Variants in ASB11 observed in about 807,000 individuals in gnomAD.
The protein encoded by ASB11 is ankyrin repeat and SOCS box containing 11, also known as ankyrin repeat and SOCS box protein 11.
ASB11 carries 17 observed loss-of-function variants against 20.1 expected under a neutral mutation model. That is an observed-to-expected ratio of 0.85 (90% CI 0.58 to 1.27). The LOEUF is 1.27. Ranked by LOEUF, ASB11 falls within the 50% of genes most tolerant of loss-of-function variation. The pLI, the probability that ASB11 is intolerant of heterozygous loss-of-function variation, is 0.00. For missense variants in ASB11, 259 were observed against 256.9 expected (o/e 1.01, Z -0.06); for synonymous variants, 107 against 105.6 (o/e 1.01, Z -0.08).
intron 2 of ASB11, among the ~76,000 whole-genome samples, chrX:15,299,768 G>A (rs1477447114): frequency 9.0e-6 from 1 of 111,098 alleles, no homozygotes. Flanking sequence ...AAAGGAATTA[G>A]GTCCCTGGTC....
chrX:15,308,587 G>A (rs1921318507), intron 1 of ASB11, among the ~76,000 whole-genome samples: 2 of 111,563 alleles, frequency 1.8e-5, no homozygotes, highest in South Asian at 7.6e-4. Context: ...TCCAGTGAAG[G>A]GGGGAAAAGC....
chrX:15,305,597 T>TAGA (rs756352756), intron 1 of ASB11, among the ~76,000 whole-genome samples: 3 of 98,515 alleles, frequency 3.0e-5, no homozygotes, highest in Admixed American at 1.1e-4. Flanking sequence ...AAAAAAAAGA[T>TAGA]TAGATAGATA....
intron 3 of ASB11, among the ~76,000 whole-genome samples, chrX:15,296,164 G>A (rs1260497948): frequency 9.0e-6 from 1 of 110,940 alleles, no homozygotes; most frequent in Non-Finnish European, 1.9e-5. Flanking sequence ...CAGGGGAATC[G>A]TTCGAATCTA....
Position 15,283,460 on chromosome X carries a change from C to A in ASB11, c.*45G>T. 8.3e-7 allele frequency: 1 copy of A among 1,202,699 alleles called. No individual in the cohort carries two copies. The highest frequency in any genetic ancestry group is 1.1e-6 in the Non-Finnish European group (1 of 887,916). ...CATTAGGTACTCTAGGTACAGCAGACAACAATCTGTGTCATTCCAAGTATC... is the reference window on the plus strand; with the variant it reads ...CATTAGGTACTCTAGGTACAGCAGAAAACAATCTGTGTCATTCCAAGTATC... On this transcript the variant is annotated 3_prime_UTR_variant, in exon 7 of 7. Coordinates refer to ENST00000480796, the MANE Select transcript of ASB11 (RefSeq NM_080873.3).
At chrX:15,310,204 G>A (rs1338716534) in intron 1 of ASB11, among the ~76,000 whole-genome samples, 1 of 110,147 alleles carries the variant, frequency 9.1e-6, no homozygotes, top group African/African-American at 3.3e-5. Flanking sequence ...TTTGCAAACT[G>A]GAGCTAATTG....
rs1927580202 is a variant in ASB11 at position 15,293,261 on chromosome X, A to C, written c.429T>G (p.Ser143Arg). Residue 143 changes from serine (S) to arginine (R), a missense_variant, in exon 4 of 7, where the codon AGT (serine) becomes AGG (arginine). By Grantham distance (110) the Ser-to-Arg change is moderately radical (BLOSUM62 -1). Transcript: ENST00000480796. ...CCAGCAGCACATTGACACATGCAGCACTGCCGCTGCAGCAAGCATTGAAGA... is the reference window on the plus strand; with the variant it reads ...CCAGCAGCACATTGACACATGCAGCCCTGCCGCTGCAGCAAGCATTGAAGA... ...TPLFNACCSG[S>R]AACVNVLLEF... 8.3e-7 allele frequency: 1 copy of C among 1,209,741 alleles called. No homozygotes were observed. The highest frequency in any genetic ancestry group is 3.0e-5 in the East Asian group (1 of 33,779).
intron 6 of ASB11, among the ~76,000 whole-genome samples, chrX:15,285,464 G>T (rs1927357631): frequency 9.0e-6 from 1 of 110,628 alleles, no homozygotes; most frequent in South Asian, 3.9e-4. Context: ...AGAGCAAGTG[G>T]CTATATTTAT....
intron 1 of ASB11, among the ~76,000 whole-genome samples, chrX:15,305,208 T>G (rs1921196980): frequency 8.9e-6 from 1 of 111,971 alleles, no homozygotes; most frequent in Admixed American, 9.6e-5. Flanking sequence ...TGGAACAGAT[T>G]GTCATCTGAT....
intron 1 of ASB11, among the ~76,000 whole-genome samples, chrX:15,309,057 C>T (rs966707232): frequency 9.0e-6 from 1 of 111,359 alleles, no homozygotes; most frequent in African/African-American, 3.3e-5. Context: ...GCTGGGACTA[C>T]AGACACACAT....
Position 15,302,754 on chromosome X carries a change from G to C in ASB11, c.235C>G (p.Leu79Val), listed in dbSNP as rs1200387981. The C allele has an allele frequency of 8.3e-7, 1 of 1,210,376 alleles. No individual in the cohort carries two copies. Among genetic ancestry groups the C allele is most frequent in the Admixed American group, 2.2e-5 (1 of 46,013 alleles). Residue 79 changes from leucine (L) to valine (V), a missense_variant, in exon 2 of 7, where the codon CTG becomes GTG. Coordinates refer to ENST00000480796, the MANE Select transcript of ASB11 (RefSeq NM_080873.3). The part of the protein sequence containing the change: ...LHEAAAQGRL[L>V]ALKTLIAQGV... ...TGTGCAATTAAAGTTTTAAGGGCCAGTAAGCGCCCCTGAGCTGCAGCTTCA... is the reference window on the plus strand; with the variant it reads ...TGTGCAATTAAAGTTTTAAGGGCCACTAAGCGCCCCTGAGCTGCAGCTTCA...
chrX:15,314,205 A>G (rs1202261354), intron 1 of ASB11, among the ~76,000 whole-genome samples: 1 of 111,185 alleles, frequency 9.0e-6, no homozygotes, highest in Non-Finnish European at 1.9e-5. Context: ...CAGAAGAATG[A>G]TTTATCTATG....
intron 3 of ASB11, among the ~76,000 whole-genome samples, chrX:15,296,299 A>C (rs1299098407): frequency 1.8e-5 from 2 of 110,894 alleles, no homozygotes; most frequent in Admixed American, 1.9e-4. Context: ...AAAATGCACG[A>C]CCACAATGGC....
In ASB11 at chrX:15,284,972, G is replaced by C. The variant is rs779764212; in HGVS notation, c.848-1343C>G. Among the ~76,000 whole-genome samples the C allele has an allele frequency of 4.7e-4, 52 of 111,053 alleles. 1 individual carries two copies. Among genetic ancestry groups the C allele is most frequent in the Admixed American group, 4.4e-3 (46 of 10,409 alleles). On this transcript the variant is annotated intron_variant, in intron 6 of 6. Coordinates refer to ENST00000480796, the MANE Select transcript of ASB11 (RefSeq NM_080873.3). ...TCCATGAGATAGAAAGCTACCTGGA[G>C]GACCAAACAATCGATCTTAGTTAAA...
At chrX:15,286,175 A>G (rs1176911320) in intron 6 of ASB11, among the ~76,000 whole-genome samples, 2 of 111,288 alleles carry the variant, frequency 1.8e-5, no homozygotes, top group African/African-American at 6.6e-5. Context: ...GAAATCCTCA[A>G]GTGAACTGAT....
intron 6 of ASB11, among the ~76,000 whole-genome samples, chrX:15,286,100 C>T (rs993897990): frequency 1.8e-5 from 2 of 111,041 alleles, no homozygotes; most frequent in African/African-American, 6.6e-5. Context: ...CACGTGGGAG[C>T]CTGCTAGACA....
At chrX:15,312,290 T>A (rs1278305986) in intron 1 of ASB11, among the ~76,000 whole-genome samples, 1 of 108,251 alleles carries the variant, frequency 9.2e-6, no homozygotes, top group Non-Finnish European at 1.9e-5. Flanking sequence ...AAACCAAAAC[T>A]AATAACAGTC....
chrX:15,287,615 A>G (rs1007374899), intron 6 of ASB11, among the ~76,000 whole-genome samples: 3 of 112,453 alleles, frequency 2.7e-5, no homozygotes, highest in Non-Finnish European at 5.6e-5. Flanking sequence ...GTGAGCCACC[A>G]CGCCCAGCCG....
At chrX:15,309,967 CAAAAAAAAAAAAAAA>C (rs60765469) in intron 1 of ASB11, among the ~76,000 whole-genome samples, 9 of 15,529 alleles carry the variant, frequency 5.8e-4, no homozygotes, top group African/African-American at 1.9e-3. Flanking sequence ...GACTCCGTCT[CAAAAAAAAAAAAAAA>C]AAAAAAAAAG....
At chrX:15,283,980 C>A (rs185688436) in intron 6 of ASB11, among the ~76,000 whole-genome samples, 11 of 111,108 alleles carry the variant, frequency 9.9e-5, no homozygotes, top group Non-Finnish European at 1.3e-4. Flanking sequence ...GGGCCAGGCA[C>A]GGTGGCTCAC....
Sources: gnomAD v4.1 joint callset for allele counts (sites outside exome capture counted in the v4.1 genomes callset) on GRCh38, gnomAD v4.1.1 for gene constraint, MANE v1.5 for transcripts, NCBI Gene and HGNC (gene_info 2026-07-23, HGNC 2026-07-21) for gene names.